Variants in PTPRG observed in about 807,000 individuals in gnomAD.
PTPRG encodes receptor-type tyrosine-protein phosphatase gamma.
PTPRG carries 102 observed loss-of-function variants against 165.3 expected under a neutral mutation model. The ratio of observed to expected loss-of-function variants is 0.62; its 90% CI spans 0.53 to 0.73. The LOEUF is 0.73. PTPRG is among the 30% of genes least tolerant of loss of function. PTPRG has a pLI of 0.00. For missense variants in PTPRG, 1,866 were observed against 1,861.4 expected (o/e 1.00, Z -0.05); for synonymous variants, 675 against 669.5 (o/e 1.01, Z -0.13).
At chr3:62,193,245 A>G (rs1250843275) in intron 9 of PTPRG, among the ~76,000 whole-genome samples, 2 of 152,240 alleles carry the variant, frequency 1.3e-5, no homozygotes, top group South Asian at 4.1e-4. Context: ...AAAGATGAAT[A>G]GATACCGTCT....
At chr3:61,807,481 T>C (rs2035451126) in intron 2 of PTPRG, among the ~76,000 whole-genome samples, 1 of 152,218 alleles carries the variant, frequency 6.6e-6, no homozygotes. Context: ...TCTTTCATCA[T>C]GTAGAAGCTG....
rs111409485 is a variant in PTPRG, at chr3:61,664,276, G to A, written c.86-84602G>A. 6.6e-3 allele frequency among the ~76,000 whole-genome samples: 1,007 copies of A among 152,246 alleles called. 2 individuals are homozygous for A. Among genetic ancestry groups the A allele is most frequent in the Middle Eastern group, 0.014 (4 of 294 alleles). ...GCATTTTTAAGAAGGTAACATTACA[G>A]TTGTGAGTCATAGTTACCCAGCAGG... On this transcript the variant is annotated intron_variant, in intron 1 of 29. Coordinates refer to ENST00000474889, the MANE Select transcript of PTPRG (RefSeq NM_002841.4).
At chr3:61,738,310 ATACATATATATATATATATATATATATG>A (rs2032829421) in intron 1 of PTPRG, among the ~76,000 whole-genome samples, 3 of 45,496 alleles carry the variant, frequency 6.6e-5, no homozygotes, top group African/African-American at 2.4e-4. Context: ...ATATATATAT[ATACATATATATATATATATATATATATG>A]TATATATATA....
rs1703101746 is a variant in PTPRG at position 62,297,461 on chromosome 3, T to C, written c.*4154T>C. 6.6e-6 allele frequency: 1 copy of C among 151,942 alleles called. No homozygotes were observed. The highest frequency in any genetic ancestry group is 1.5e-5 in the Non-Finnish European group (1 of 67,910). 9.4% of individuals were successfully genotyped at this position (151,942 alleles called of 1,614,324 possible). On this transcript the variant is annotated 3_prime_UTR_variant, in exon 30 of 30. Coordinates refer to ENST00000474889, the MANE Select transcript of PTPRG (RefSeq NM_002841.4). ...TTGGAAAAAGTGTGCTTTTTTTTTT[T>C]TTTTAAATTTGTTCAGGGGGAGGGG...
chr3:62,019,522 C>CAA (rs57682254), intron 4 of PTPRG, among the ~76,000 whole-genome samples: 9 of 93,846 alleles, frequency 9.6e-5, no homozygotes, highest in Admixed American at 1.1e-4. Context: ...GACCCCATCT[C>CAA]AAAAAAAAAA....
intron 1 of PTPRG, among the ~76,000 whole-genome samples, chr3:61,616,399 G>C (rs1701297789): frequency 6.6e-6 from 1 of 152,182 alleles, no homozygotes; most frequent in African/African-American, 2.4e-5. Flanking sequence ...ACATTCACAA[G>C]TTCAACAACA....
chr3:62,293,356 ACTTTTTT>A lies in PTPRG; in HGVS notation c.*50_*56del. 6.9e-7 allele frequency: 1 copy of A among 1,459,696 alleles called. No homozygotes were observed. Among genetic ancestry groups the A allele is most frequent in the Non-Finnish European group, 9.1e-7 (1 of 1,104,010 alleles). 90.4% of individuals were successfully genotyped at this position (1,459,696 alleles called of 1,614,324 possible). On this transcript the variant is annotated 3_prime_UTR_variant, in exon 30 of 30. Coordinates refer to ENST00000474889, the MANE Select transcript of PTPRG (RefSeq NM_002841.4). ...ATTTGTAAACTTCTGAAGACTGAGAACTTTTTTGAGGCCTTTTTTGCCAGACTCTAGG... is the reference window on the plus strand; with the variant it reads ...ATTTGTAAACTTCTGAAGACTGAGAAGAGGCCTTTTTTGCCAGACTCTAGG...
At chr3:62,033,954 C>T (rs193301229) in intron 4 of PTPRG, among the ~76,000 whole-genome samples, 275 of 152,084 alleles carry the variant, frequency 1.8e-3, no homozygotes, top group Non-Finnish European at 3.3e-3. Flanking sequence ...TTGGTAGAGA[C>T]GGGATTTCAC....
intron 4 of PTPRG, among the ~76,000 whole-genome samples, chr3:62,069,986 T>A (rs1185753454): frequency 1.3e-5 from 2 of 152,124 alleles, no homozygotes; most frequent in Non-Finnish European, 2.9e-5. Flanking sequence ...TCACAAAAAA[T>A]AACAATGATC....
intron 2 of PTPRG, among the ~76,000 whole-genome samples, chr3:61,888,385 G>C (rs764997883): frequency 2.0e-5 from 3 of 151,530 alleles, no homozygotes; most frequent in Non-Finnish European, 4.4e-5. Context: ...CCAGGCTGGA[G>C]TGCAGTGGTG....
intron 2 of PTPRG, among the ~76,000 whole-genome samples, chr3:61,831,927 A>C (rs1475623054): frequency 6.6e-6 from 1 of 152,240 alleles, no homozygotes; most frequent in Non-Finnish European, 1.5e-5. Flanking sequence ...TACTTAAAAG[A>C]GAATAAACAA....
At position 61,985,890 on chromosome 3, in the gene PTPRG, T is replaced by G. The variant is rs112789390; in HGVS notation, c.191-3735T>G. The stretch of plus-strand genomic sequence containing the variant: ...CTTGTTAAATTTGCACATGGATTCT[T>G]TCATGGACATCTCATATTTGCAGCT... On this transcript the variant is annotated intron_variant, in intron 2 of 29. Coordinates refer to ENST00000474889, the MANE Select transcript of PTPRG (RefSeq NM_002841.4). Among the ~76,000 whole-genome samples the G allele has an allele frequency of 3.1e-3, 466 of 152,300 alleles. 3 individuals carry two copies. Among genetic ancestry groups the G allele is most frequent in the African/African-American group, 0.011 (440 of 41,562 alleles).
intron 7 of PTPRG, 110 bp downstream of exon 7, chr3:62,157,334 A>C (rs1189842310): frequency 1.8e-6 from 2 of 1,099,656 alleles, no homozygotes; most frequent in African/African-American, 1.6e-5. Context: ...GATCCTGTGC[A>C]TATCATTGAT....
chr3:61,723,039 G>A (rs555210181), intron 1 of PTPRG, among the ~76,000 whole-genome samples: 3 of 152,142 alleles, frequency 2.0e-5, no homozygotes, highest in African/African-American at 7.2e-5. Flanking sequence ...CCCTAGGTTA[G>A]AACTATGCAG....
intron 1 of PTPRG, among the ~76,000 whole-genome samples, chr3:61,696,256 C>G (rs550993396): frequency 6.6e-6 from 1 of 152,280 alleles, no homozygotes; most frequent in South Asian, 2.1e-4. Context: ...AATCCTAGCA[C>G]TGTGAGTGGC....
intron 2 of PTPRG, among the ~76,000 whole-genome samples, chr3:61,774,605 G>C (rs1179434891): frequency 1.3e-5 from 2 of 152,182 alleles, no homozygotes; most frequent in Non-Finnish European, 2.9e-5. Context: ...TGTTTAAAAG[G>C]CTGGATGTGT....
intron 4 of PTPRG, among the ~76,000 whole-genome samples, chr3:62,062,729 T>A (rs1432503856): frequency 1.3e-5 from 2 of 152,170 alleles, no homozygotes; most frequent in African/African-American, 2.4e-5. Context: ...TGGGCAATCA[T>A]GGCTCACTGC....
chr3:62,005,592 A>T (rs912824045), intron 4 of PTPRG, among the ~76,000 whole-genome samples: 5 of 151,892 alleles, frequency 3.3e-5, no homozygotes, highest in Non-Finnish European at 7.4e-5. Context: ...AGGAACTGGG[A>T]ACCTTGCCTC....
At chr3:61,781,532 G>C (rs1023032827) in intron 2 of PTPRG, among the ~76,000 whole-genome samples, 1 of 152,106 alleles carries the variant, frequency 6.6e-6, no homozygotes, top group Admixed American at 6.6e-5. Context: ...ATAAAAATTT[G>C]AGAATGCTTA....
Sources: allele counts gnomAD v4.1 joint callset (sites outside exome capture counted in the v4.1 genomes callset), GRCh38; gene constraint gnomAD v4.1.1; transcripts MANE v1.5; gene names NCBI Gene and HGNC (gene_info 2026-07-23, HGNC 2026-07-21).